Variants in PLXNA4 observed in about 807,000 individuals in gnomAD.
The protein encoded by PLXNA4 is plexin A4.
Under a neutral mutation model 191.8 loss-of-function variants are expected in PLXNA4, and 44 were observed. The observed-to-expected ratio is 0.23, with a 90% confidence interval of 0.18 to 0.29. The LOEUF is 0.29. Among genes scored for constraint, PLXNA4 ranks in the 10% least tolerant of loss-of-function variants. The probability of loss-of-function intolerance (pLI) is 1.00; values close to 1 mark genes in which losing one functional copy is unlikely to be tolerated. For missense variants in PLXNA4, 1,800 were observed against 2,488.8 expected, an observed-to-expected ratio of 0.72 and a Z score of 5.89; for synonymous variants, 1,082 against 1,009.5, an observed-to-expected ratio of 1.07 and a Z score of -1.36.
chr7:132,293,952 G>C (rs1430447050), intron 4 of PLXNA4, among the ~76,000 whole-genome samples: 1 of 152,220 alleles, frequency 6.6e-6, no homozygotes, highest in East Asian at 1.9e-4. Context: ...AATGTGATTT[G>C]AGTGTTTATT....
At chr7:132,577,678 G>C (rs1802313530), upstream of PLXNA4, among the ~76,000 whole-genome samples, 1 of 152,170 alleles carries the variant, frequency 6.6e-6, no homozygotes, top group Non-Finnish European at 1.5e-5. Context: ...GCGGAGAGAG[G>C]GGCATACATG....
chr7:132,459,219 AC>A (rs900154928), intron 3 of PLXNA4, among the ~76,000 whole-genome samples: 1 of 152,222 alleles, frequency 6.6e-6, no homozygotes, highest in African/African-American at 2.4e-5. Flanking sequence ...CCCTGAGCAG[AC>A]AGTTTTCTGA....
intron 1 of PLXNA4, among the ~76,000 whole-genome samples, chr7:132,646,332 G>C (rs1020779210): frequency 6.6e-6 from 1 of 152,118 alleles, no homozygotes; most frequent in Non-Finnish European, 1.5e-5. Flanking sequence ...CAGAACACCT[G>C]GGCTCATGGG....
chr7:132,380,275 T>C (rs982103750), intron 3 of PLXNA4, among the ~76,000 whole-genome samples: 2 of 152,166 alleles, frequency 1.3e-5, no homozygotes, highest in Middle Eastern at 3.2e-3. Flanking sequence ...ATTGTGATCG[T>C]GTGCAAAGGG....
chr7:132,562,302 C>T (rs2116660295), intron 1 of PLXNA4, among the ~76,000 whole-genome samples: 1 of 125,764 alleles, frequency 8.0e-6, no homozygotes, highest in African/African-American at 3.4e-5. Context: ...TCTCCTCCTT[C>T]TCCTCTTCCT....
chr7:132,177,184 AGTGTGCATGCAT>A (rs900312534), intron 20 of PLXNA4, among the ~76,000 whole-genome samples: 2 of 151,358 alleles, frequency 1.3e-5, no homozygotes, highest in African/African-American at 4.9e-5. Context: ...AGTGTATGTG[AGTGTGCATGCAT>A]GTGTGCATGT....
rs565446556 is a variant in PLXNA4 at position 132,410,741 on chromosome 7, G to A, written c.1371+78551C>T. Among the ~76,000 whole-genome samples the A allele has an allele frequency of 6.6e-5, 10 of 152,300 alleles. No homozygotes were observed. In the South Asian group the frequency reaches 1.2e-3, roughly 19 times the overall value. The stretch of plus-strand genomic sequence containing the variant: ...GGCGCTGGTGGGGAAGACTGCTATC[G>A]TTTATGCTTTTACTCATCTCCATCA... On this transcript the variant is annotated intron_variant, in intron 3 of 31. Transcript: ENST00000321063.
In PLXNA4 at chr7:132,133,219, G is replaced by T; in HGVS notation, c.5439-20C>A. 1 of 1,613,016 alleles carries T rather than the reference G, an allele frequency of 6.2e-7. No homozygotes were observed. The highest frequency in any genetic ancestry group is 1.1e-5 in the South Asian group (1 of 90,894). On this transcript the variant is annotated intron_variant, in intron 30 of 31. Transcript: ENST00000321063. ...TAATACCTGTGGAGGGATGGAAATA[G>T]GGAGAAGCTGAAGTCGTGCATACGG...
At chr7:132,282,400 C>T (rs1800512056) in intron 4 of PLXNA4, among the ~76,000 whole-genome samples, 1 of 151,528 alleles carries the variant, frequency 6.6e-6, no homozygotes, top group African/African-American at 2.4e-5. Flanking sequence ...TGGAGAAACC[C>T]CATCTCTACA....
intron 25 of PLXNA4, among the ~76,000 whole-genome samples, chr7:132,156,578 G>T (rs1795804810): frequency 6.6e-6 from 1 of 152,244 alleles, no homozygotes; most frequent in Non-Finnish European, 1.5e-5. Flanking sequence ...AGCAGTGGGA[G>T]AAGAAAGCAC....
intron 5 of PLXNA4, among the ~76,000 whole-genome samples, chr7:132,233,918 C>CCCAAA (rs10657611): frequency 0.41 from 61,730 of 151,450 alleles, 13,071 homozygotes; most frequent in East Asian, 0.69. Context: ...TCCAGATGAT[C>CCCAAA]CCAAACCAAA....
chr7:132,641,431 A>C (rs1003970833), intron 2 of PLXNA4, among the ~76,000 whole-genome samples: 6 of 152,122 alleles, frequency 3.9e-5, no homozygotes, highest in Admixed American at 6.6e-5. Flanking sequence ...TCTTGTTGCA[A>C]GGACACCAGT....
At chr7:132,598,676 T>C (rs1006058941) in intron 2 of PLXNA4, among the ~76,000 whole-genome samples, 7 of 152,156 alleles carry the variant, frequency 4.6e-5, no homozygotes, top group African/African-American at 1.7e-4. Context: ...GAATTCTAAA[T>C]AACAGTGCTC....
chr7:132,279,150 T>A (rs564832200), intron 4 of PLXNA4, among the ~76,000 whole-genome samples: 2 of 152,330 alleles, frequency 1.3e-5, no homozygotes, highest in South Asian at 4.1e-4. Flanking sequence ...ATTGTGGTCA[T>A]CTGGAAAGTG....
chr7:132,261,484 A>G (rs1182198458), intron 4 of PLXNA4, among the ~76,000 whole-genome samples: 2 of 152,168 alleles, frequency 1.3e-5, no homozygotes. Context: ...ACACCACACT[A>G]TTTATCAATT....
intron 15 of PLXNA4, among the ~76,000 whole-genome samples, chr7:132,185,927 C>A (rs1017095768): frequency 2.0e-5 from 3 of 152,184 alleles, no homozygotes; most frequent in South Asian, 4.1e-4. Context: ...TGGAGTTGAG[C>A]CCCATCTGTT....
intron 30 of PLXNA4, among the ~76,000 whole-genome samples, chr7:132,133,451 C>T (rs764004785): frequency 6.6e-6 from 1 of 152,176 alleles, no homozygotes; most frequent in Non-Finnish European, 1.5e-5. Context: ...GTGGCCAAGA[C>T]AGGAGAGGAA....
rs141822891 is a variant in PLXNA4, at chr7:132,163,658, G to A, written c.4500+484C>T. On this transcript the variant is annotated intron_variant, in intron 24 of 31. Coordinates refer to ENST00000321063, the MANE Select transcript of PLXNA4 (RefSeq NM_020911.2). ...TTCAACAACTGCCTTGCACCACTAG[G>A]CCACCTTGGCCTTGCGTTATACAGC... Among the ~76,000 whole-genome samples the A allele has an allele frequency of 4.7e-3, 715 of 152,286 alleles. 6 individuals are homozygous for A. Among genetic ancestry groups the A allele is most frequent in the African/African-American group, 0.016 (683 of 41,552 alleles).
chr7:132,515,624 C>T (rs114900937), intron 1 of PLXNA4, among the ~76,000 whole-genome samples: 2,431 of 152,276 alleles, frequency 0.016, 66 homozygotes, highest in African/African-American at 0.055. Flanking sequence ...AGGTGATGTT[C>T]GAACGTGTGT....
Sources: gnomAD v4.1 joint callset for allele counts (sites outside exome capture counted in the v4.1 genomes callset) on GRCh38, gnomAD v4.1.1 for gene constraint, MANE v1.5 for transcripts, NCBI Gene and HGNC (gene_info 2026-07-23, HGNC 2026-07-21) for gene names.